Variants in DMD observed in about 807,000 individuals in gnomAD.
The protein encoded by DMD is dystrophin.
DMD carries 63 observed loss-of-function variants against 330.1 expected under a neutral mutation model. The observed-to-expected ratio is 0.19, with a 90% confidence interval of 0.16 to 0.24. The LOEUF is 0.24. Among genes scored for constraint, DMD ranks in the 10% least tolerant of loss-of-function variants. The pLI, the probability that DMD is intolerant of heterozygous loss-of-function variation, is 1.00. For missense variants in DMD, 3,344 were observed against 2,684.1 expected (o/e 1.25, Z -5.43); for synonymous variants, 1,223 against 959.8 (o/e 1.27, Z -5.07).
At chrX:32,335,077 A>C (rs1398486997) in intron 41 of DMD, among the ~76,000 whole-genome samples, 1 of 111,584 alleles carries the variant, frequency 9.0e-6, no homozygotes, top group Non-Finnish European at 1.9e-5. Flanking sequence ...TACTGTGATC[A>C]AACTAGATGC....
intron 44 of DMD, among the ~76,000 whole-genome samples, chrX:32,190,060 C>T (rs2096966090): frequency 1.8e-5 from 2 of 110,340 alleles, no homozygotes; most frequent in African/African-American, 3.3e-5. Flanking sequence ...GATGATTTTG[C>T]TCCCCAAGGG....
intron 44 of DMD, among the ~76,000 whole-genome samples, chrX:32,179,918 T>TAGC (rs1189661582): frequency 8.9e-6 from 1 of 112,094 alleles, no homozygotes; most frequent in Non-Finnish European, 1.9e-5. Context: ...GAGGCCTCCC[T>TAGC]AGTCATGTGA....
rs145996117 is a variant in DMD at position 32,109,484 on chromosome X, G to A, written c.6438+107432C>T. ...TTCCTAGGGTGAAAAAGAAATTAGAGCCAGGTAATATCTGGTATAAAAATA... is the reference window on the plus strand; with the variant it reads ...TTCCTAGGGTGAAAAAGAAATTAGAACCAGGTAATATCTGGTATAAAAATA... On this transcript the variant is annotated intron_variant, in intron 44 of 78. Coordinates refer to ENST00000357033, the MANE Select transcript of DMD (RefSeq NM_004006.3). Among the ~76,000 whole-genome samples the A allele has an allele frequency of 7.6e-3, 846 of 110,694 alleles. 4 individuals carry two copies. The highest frequency in any genetic ancestry group is 0.056 in the Middle Eastern group (12 of 216).
intron 13 of DMD, among the ~76,000 whole-genome samples, chrX:32,595,384 C>G (rs1472235329): frequency 8.9e-6 from 1 of 111,781 alleles, no homozygotes; most frequent in Non-Finnish European, 1.9e-5. Context: ...ACTGGGTCAG[C>G]TAATGATGAA....
intron 44 of DMD, among the ~76,000 whole-genome samples, chrX:32,197,733 A>T (rs1020662268): frequency 5.4e-5 from 6 of 111,488 alleles, no homozygotes; most frequent in Non-Finnish European, 1.1e-4. Context: ...GGAAAATATA[A>T]GTTGTATATA....
chrX:33,055,724 A>G (rs974370772), intron 1 of DMD, among the ~76,000 whole-genome samples: 43 of 111,534 alleles, frequency 3.9e-4, no homozygotes, highest in African/African-American at 1.3e-3. Context: ...CTGGCTCTGG[A>G]GGAGTGGCTG....
intron 9 of DMD, among the ~76,000 whole-genome samples, chrX:32,686,071 G>A (rs1381487556): frequency 9.0e-6 from 1 of 111,637 alleles, no homozygotes; most frequent in African/African-American, 3.3e-5. Context: ...ACACATGTAT[G>A]ACATAATAGG....
At chrX:32,519,453 C>A (rs999457156) in intron 17 of DMD, among the ~76,000 whole-genome samples, 39 of 110,889 alleles carry the variant, frequency 3.5e-4, no homozygotes, top group African/African-American at 1.1e-3. Context: ...TTAATTACTT[C>A]AACGGATATT....
At chrX:32,415,494 G>A (rs907688070) in intron 29 of DMD, among the ~76,000 whole-genome samples, 1 of 112,090 alleles carries the variant, frequency 8.9e-6, no homozygotes, top group Non-Finnish European at 1.9e-5. Flanking sequence ...CTGATTAGGC[G>A]CACCCTGATG....
chrX:32,318,449 G>A (rs183651363), intron 41 of DMD, among the ~76,000 whole-genome samples: 1 of 111,741 alleles, frequency 8.9e-6, no homozygotes, highest in African/African-American at 3.2e-5. Context: ...CATTCTGACA[G>A]TACTTCGTTT....
intron 62 of DMD, among the ~76,000 whole-genome samples, chrX:31,296,265 C>T (rs1244627755): frequency 1.8e-5 from 2 of 111,129 alleles, no homozygotes; most frequent in Non-Finnish European, 3.8e-5. Flanking sequence ...GTCTTTTAAA[C>T]CATACTCTAT....
At chrX:31,340,127 G>C (rs1459061556) in intron 61 of DMD, among the ~76,000 whole-genome samples, 1 of 112,392 alleles carries the variant, frequency 8.9e-6, no homozygotes, top group Non-Finnish European at 1.9e-5. Context: ...ATGTATCAAG[G>C]AGAAACTGTA....
chrX:33,157,904 C>A (rs2048584731), intron 1 of DMD, among the ~76,000 whole-genome samples: 1 of 112,041 alleles, frequency 8.9e-6, no homozygotes, highest in Admixed American at 9.5e-5. Flanking sequence ...TTGCAGTGAG[C>A]TGAGATCGCA....
intron 9 of DMD, among the ~76,000 whole-genome samples, chrX:32,668,871 A>T (rs760008156): frequency 5.0e-4 from 56 of 111,235 alleles, no homozygotes; most frequent in Middle Eastern, 4.7e-3. Context: ...TGTTAGTTAA[A>T]TACTAATGGG....
intron 44 of DMD, among the ~76,000 whole-genome samples, chrX:32,212,667 T>C (rs764703627): frequency 8.9e-6 from 1 of 112,014 alleles, no homozygotes; most frequent in South Asian, 3.7e-4. Flanking sequence ...GATAAAACTT[T>C]GTATATGCAC....
intron 42 of DMD, among the ~76,000 whole-genome samples, chrX:32,297,824 T>C (rs1391646996): frequency 9.0e-6 from 1 of 111,024 alleles, no homozygotes; most frequent in Non-Finnish European, 1.9e-5. Flanking sequence ...GAAGGCAGTT[T>C]TTAAGTAAAG....
intron 1 of DMD, among the ~76,000 whole-genome samples, chrX:33,039,123 C>T (rs16990864): frequency 0.053 from 5,900 of 111,534 alleles, 303 homozygotes; most frequent in African/African-American, 0.15. Context: ...CCCTCTTTTC[C>T]GTTGTTGGAG....
chrX:31,916,423 C>A (rs2094609547), intron 47 of DMD, among the ~76,000 whole-genome samples: 1 of 111,859 alleles, frequency 8.9e-6, no homozygotes, highest in South Asian at 3.7e-4. Context: ...TTAAATAATA[C>A]CAGAGTCCTC....
At chrX:32,590,711 G>T (rs1218259860) in intron 13 of DMD, among the ~76,000 whole-genome samples, 5 of 111,583 alleles carry the variant, frequency 4.5e-5, no homozygotes, top group African/African-American at 1.6e-4. Context: ...TTACACCAGT[G>T]ATTTCCCAGG....
Sources: gnomAD v4.1 joint callset for allele counts (sites outside exome capture counted in the v4.1 genomes callset) on GRCh38, gnomAD v4.1.1 for gene constraint, MANE v1.5 for transcripts, NCBI Gene and HGNC (gene_info 2026-07-23, HGNC 2026-07-21) for gene names.